ZNF581: variants seen among roughly 807,000 people sequenced by gnomAD.
The protein encoded by ZNF581 is zinc finger protein 581.
Under a neutral mutation model 1.2 loss-of-function variants are expected in ZNF581, and 1 was observed. The observed-to-expected ratio is 0.83, with a 90% CI of 0.30 to 3.95. The LOEUF is 3.95. ZNF581 is among the 30% of genes most tolerant of loss of function. The pLI is 0.18. For missense variants in ZNF581, 273 were observed against 274.6 expected, an observed-to-expected ratio of 0.99 and a Z score of 0.04; for synonymous variants, 105 against 109.2, an observed-to-expected ratio of 0.96 and a Z score of 0.24.
Position 55,644,465 on chromosome 19 carries a change from C to A in ZNF581, c.-19-88C>A, listed in dbSNP as rs2123635361. The A allele has an allele frequency of 3.6e-6, 3 of 830,038 alleles. No homozygotes were observed. The highest frequency in any genetic ancestry group is 1.8e-6 in the Non-Finnish European group (1 of 543,896). 51.4% of individuals were successfully genotyped at this position (830,038 alleles called of 1,614,324 possible). A position where few individuals can be genotyped will look rare whatever the true frequency, so the allele number is the denominator to read the frequency against. On this transcript the variant is annotated intron_variant, in intron 1 of 1. Transcript: ENST00000270451. The surrounding 1 kb of genome is among the most constrained non-coding windows in gnomAD (Gnocchi z 4.3). ...GGCAGCAGGATGCAGAGGTCCTGGGCCGGGTATAGGGAGGGAAAAGGATGG... is the reference window on the plus strand; with the variant it reads ...GGCAGCAGGATGCAGAGGTCCTGGGACGGGTATAGGGAGGGAAAAGGATGG...
chr19:55,642,090 A>G, upstream of ZNF581: 1 of 993,614 alleles, frequency 1.0e-6, no homozygotes, highest in African/African-American at 1.7e-5. Flanking sequence ...AAAAAAGAAG[A>G]AACCACAGAT....
chr19:55,642,931 G>C, upstream of ZNF581: 1 of 1,470,786 alleles, frequency 6.8e-7, no homozygotes. Context: ...ATCGCGCCAC[G>C]CACCGCGCCC....
chr19:55,644,699 A>G lies in ZNF581; in HGVS notation c.128A>G (p.Gln43Arg), dbSNP rs776034277. The change falls in exon 2 of 2, where the codon CAG becomes CGG. Residue 43 changes from glutamine (Q) to arginine (R), a missense_variant. Physicochemically the swap from Gln to Arg is conservative, Grantham distance 43. Transcript: ENST00000270451. This position sits in a 1 kb window ranked among gnomAD's most constrained non-coding sequence, Gnocchi z 4.3. ...PGPSSSIGSP[Q>R]ASSPPRPNHY... The stretch of plus-strand genomic sequence containing the variant: ...CCTTCCTCCTCCATCGGATCTCCCC[A>G]GGCTTCATCTCCTCCAAGGCCCAAC... 3.7e-6 allele frequency: 6 copies of G among 1,613,692 alleles called. No homozygotes were observed. The highest frequency in any genetic ancestry group is 5.1e-6 in the Non-Finnish European group (6 of 1,179,840).
upstream of ZNF581, chr19:55,643,062 C>T: frequency 7.5e-7 from 1 of 1,340,846 alleles, no homozygotes; most frequent in South Asian, 2.1e-5. Context: ...CTGCCCGTCT[C>T]AGGGCCACCA....
rs773482995 is a variant in ZNF581, at chr19:55,644,595, C to T, written c.24C>T (p.Cys8=). ...GGATGCTGGTGCTGCCATCCCCCTG[C>T]CCTCAGCCTCTGGCATTTTCCTCCG... is the stretch of plus-strand genomic sequence containing the variant. MLVLPSP[C]PQPLAFSSVE... is the part of the protein sequence containing the mutation. The change falls in exon 2 of 2, where the codon TGC becomes TGT. Residue 8 remains cysteine, a synonymous_variant. Coordinates refer to ENST00000270451, the MANE Select transcript of ZNF581 (RefSeq NM_016535.4). This position sits in a 1 kb window ranked among gnomAD's most constrained non-coding sequence, Gnocchi z 4.3. 1.9e-6 allele frequency: 3 copies of T among 1,603,160 alleles called. No individual in the cohort carries two copies. The highest frequency in any genetic ancestry group is 1.7e-5 in the Admixed American group (1 of 59,152).
At chr19:55,640,998 C>G, upstream of ZNF581, 1 of 985,376 alleles carries the variant, frequency 1.0e-6, no homozygotes, top group Non-Finnish European at 1.2e-6. Flanking sequence ...CGCTTCCGGC[C>G]GGCGCCTTTT....
At position 55,645,614 on chromosome 19, in the gene ZNF581, C is replaced by T. The variant is rs952260399; in HGVS notation, c.*449C>T. The T allele has an allele frequency of 5.8e-6, 1 of 171,008 alleles. No homozygotes were observed. The highest frequency in any genetic ancestry group is 2.4e-5 in the African/African-American group (1 of 41,650). The allele number at this position is 171,008 out of a possible 1,614,324, so 10.6% of individuals were successfully genotyped here. On this transcript the variant is annotated 3_prime_UTR_variant, in exon 2 of 2. Transcript: ENST00000270451. ...GACTGATCAAACAATAAACACGTTTCCCACTCTGAGCACTCGAGGTTTGTT... is the reference window on the plus strand; with the variant it reads ...GACTGATCAAACAATAAACACGTTTTCCACTCTGAGCACTCGAGGTTTGTT...
chr19:55,635,888 A>G (rs1982063100), intron 1 of ZNF581, among the ~76,000 whole-genome samples: 1 of 152,230 alleles, frequency 6.6e-6, no homozygotes, highest in African/African-American at 2.4e-5. Flanking sequence ...ACATGATTCC[A>G]GAAGGCTAAG....
In ZNF581 at chr19:55,644,528, T is replaced by C; in HGVS notation, c.-19-25T>C. ...TGAGCTGCCCTCTTCTATATAACCT[T>C]CTTATCCCATCTCCCATCCACCAGG... On this transcript the variant is annotated intron_variant, in intron 1 of 1. Coordinates refer to ENST00000270451, the MANE Select transcript of ZNF581 (RefSeq NM_016535.4). This position sits in a 1 kb window ranked among gnomAD's most constrained non-coding sequence, Gnocchi z 4.3. 1 of 1,449,544 alleles carries C rather than the reference T, an allele frequency of 6.9e-7. No individual in the cohort carries two copies. The highest frequency in any genetic ancestry group is 9.3e-7 in the Non-Finnish European group (1 of 1,076,308). The allele number at this position is 1,449,544 out of a possible 1,614,324, so 89.8% of individuals were successfully genotyped here.
chr19:55,640,380 C>T (rs992018196), upstream of ZNF581: 14 of 985,496 alleles, frequency 1.4e-5, no homozygotes, highest in Non-Finnish European at 1.7e-5. Context: ...CAGTGCCAGC[C>T]TTTCCCACCT....
At chr19:55,641,637 G>A (rs895738295), upstream of ZNF581, 7 of 152,126 alleles carry the variant, frequency 4.6e-5, no homozygotes, top group African/African-American at 1.7e-4. Flanking sequence ...CGGGGTTTGG[G>A]AGAAGGCCCC....
At chr19:55,636,579 TGATA>T (rs1390235261), upstream of ZNF581, among the ~76,000 whole-genome samples, 1 of 152,114 alleles carries the variant, frequency 6.6e-6, no homozygotes, top group African/African-American at 2.4e-5. Context: ...GAAAGACCTT[TGATA>T]GATTCTGAGG....
rs1026820463 is a variant in ZNF581 at position 55,643,661 on chromosome 19, G to C, written c.-133G>C. The C allele has an allele frequency of 7.2e-5, 11 of 152,336 alleles. No homozygotes were observed. The highest frequency in any genetic ancestry group is 2.2e-4 in the African/African-American group (9 of 41,450). 9.4% of individuals were successfully genotyped at this position (152,336 alleles called of 1,614,324 possible). A position where few individuals can be genotyped will look rare whatever the true frequency, so the allele number is the denominator to read the frequency against. On this transcript the variant is annotated 5_prime_UTR_variant, in exon 1 of 2. Transcript: ENST00000270451. ...CCCTTCGGCTTCTCTCTTTCGGCCG[G>C]CGCCGCCAGTTCCTGGGGCACACCC...
At chr19:55,636,398 A>G (rs1448756786), upstream of ZNF581, among the ~76,000 whole-genome samples, 2 of 152,086 alleles carry the variant, frequency 1.3e-5, no homozygotes, top group Non-Finnish European at 2.9e-5. Context: ...TGGTGTGGCA[A>G]GAATTTTGTC....
At chr19:55,642,721 G>A, upstream of ZNF581, 1 of 1,508,202 alleles carries the variant, frequency 6.6e-7, no homozygotes, top group Non-Finnish European at 8.8e-7. Context: ...AGCTGGAGGA[G>A]GAGCCCCGGG....
chr19:55,642,800 G>A (rs751701973), upstream of ZNF581: 3 of 1,565,388 alleles, frequency 1.9e-6, no homozygotes, highest in Non-Finnish European at 2.6e-6. Flanking sequence ...CCCGGAGTGC[G>A]CCCGTGTCTT....
chr19:55,639,368 T>C (rs1183520452), upstream of ZNF581, among the ~76,000 whole-genome samples: 2 of 152,124 alleles, frequency 1.3e-5, no homozygotes, highest in Non-Finnish European at 2.9e-5. Flanking sequence ...GGATCACTTG[T>C]GCCTGGGAGG....
upstream of ZNF581, among the ~76,000 whole-genome samples, chr19:55,638,231 TTTTGTTTGTTTG>T (rs149274660): frequency 3.3e-5 from 5 of 151,940 alleles, no homozygotes; most frequent in African/African-American, 1.2e-4. Context: ...TGACACGCTT[TTTTGTTTGTTTG>T]TTTGTTTGTT....
upstream of ZNF581, chr19:55,641,174 G>A: frequency 5.1e-6 from 5 of 985,350 alleles, no homozygotes; most frequent in Non-Finnish European, 6.0e-6. Context: ...CCGAGAGGCC[G>A]CCGCACGGGG....
Sources: gnomAD v4.1 joint callset for allele counts (sites outside exome capture counted in the v4.1 genomes callset) on GRCh38, gnomAD v4.1.1 for gene constraint, Gnocchi (gnomAD v3.1) non-coding constraint, MANE v1.5 for transcripts, NCBI Gene and HGNC (gene_info 2026-07-23, HGNC 2026-07-21) for gene names.